Variants in CFAP20DC observed in about 807,000 individuals in gnomAD.
CFAP20DC encodes the protein protein CFAP20DC.
In CFAP20DC, 84 loss-of-function variants were observed where a neutral mutation model predicts 101.7. The ratio of observed to expected loss-of-function variants is 0.83; its 90% CI spans 0.69 to 0.99. The LOEUF is 0.99. Among genes scored for constraint, CFAP20DC ranks in the 50% least tolerant of loss-of-function variants. The probability of loss-of-function intolerance (pLI) is 0.00; values close to 1 mark genes in which losing one functional copy is unlikely to be tolerated. For synonymous variants in CFAP20DC, 359 were observed against 351.2 expected, an observed-to-expected ratio of 1.02 and a Z score of -0.25; for missense variants, 1,007 against 970.3, an observed-to-expected ratio of 1.04 and a Z score of -0.50.
intron 4 of CFAP20DC, among the ~76,000 whole-genome samples, chr3:58,960,245 C>A (rs1295387917): frequency 6.6e-6 from 1 of 152,106 alleles, no homozygotes; most frequent in Non-Finnish European, 1.5e-5. Flanking sequence ...GTAATCCCAG[C>A]ACTTTGGGAG....
chr3:58,741,944 G>T, downstream of CFAP20DC: 1 of 358,788 alleles, frequency 2.8e-6, no homozygotes, highest in Non-Finnish European at 3.9e-6. Flanking sequence ...GAGAAGGAAA[G>T]TATCATATAG....
At chr3:58,769,668 T>C (rs1461491350) in intron 15 of CFAP20DC, among the ~76,000 whole-genome samples, 1 of 151,874 alleles carries the variant, frequency 6.6e-6, no homozygotes, top group African/African-American at 2.4e-5. Flanking sequence ...GACATGAGAA[T>C]TACGCTTGCC....
intron 7 of CFAP20DC, among the ~76,000 whole-genome samples, chr3:58,880,407 A>G (rs150514650): frequency 4.1e-4 from 63 of 152,298 alleles, no homozygotes; most frequent in African/African-American, 1.4e-3. Context: ...TTCTTCGTAT[A>G]GCTGCATGAT....
In CFAP20DC at chr3:58,869,566, T is replaced by C; in HGVS notation, c.853-76A>G. The C allele has an allele frequency of 1.7e-6, 2 of 1,204,090 alleles. No individual in the cohort carries two copies. Among genetic ancestry groups the C allele is most frequent in the African/African-American group, 1.5e-5 (1 of 64,748 alleles). The allele number at this position is 1,204,090 out of a possible 1,614,324, so 74.6% of individuals were successfully genotyped here. ...TTCTGTAGAAGCTATATAGAAAACA[T>C]AATATTTGGACCAATGAAGAGTGAG... On this transcript the variant is annotated intron_variant, in intron 8 of 16. Transcript: ENST00000482387. The surrounding 1 kb of genome is among the most constrained non-coding windows in gnomAD (Gnocchi z 4.3).
At chr3:59,021,112 G>A (rs1448879341) in intron 4 of CFAP20DC, among the ~76,000 whole-genome samples, 2 of 151,992 alleles carry the variant, frequency 1.3e-5, no homozygotes, top group African/African-American at 4.8e-5. Flanking sequence ...TTGGCCTAAT[G>A]TATTATAGAT....
chr3:58,841,292 A>G (rs1215996016), intron 13 of CFAP20DC, among the ~76,000 whole-genome samples: 1 of 152,250 alleles, frequency 6.6e-6, no homozygotes, highest in African/African-American at 2.4e-5. Flanking sequence ...GTATTGTTGG[A>G]AAAACAGCTG....
chr3:59,009,729 G>A lies in CFAP20DC; in HGVS notation c.278+29828C>T, dbSNP rs1234168210. 2.0e-5 allele frequency among the ~76,000 whole-genome samples: 3 copies of A among 152,094 alleles called. No homozygotes were observed. In the East Asian group the frequency reaches 5.8e-4, roughly 29 times the overall value. On this transcript the variant is annotated intron_variant, in intron 4 of 16. Transcript: ENST00000482387. ...ATACAAGAAGCTCAAAGAACTCTGGGGAAATTCATAGCACAAAGATCATCA... is the reference window on the plus strand; with the variant it reads ...ATACAAGAAGCTCAAAGAACTCTGGAGAAATTCATAGCACAAAGATCATCA...
intron 16 of CFAP20DC, among the ~76,000 whole-genome samples, chr3:58,749,627 C>T (rs2068434215): frequency 6.6e-6 from 1 of 152,176 alleles, no homozygotes; most frequent in Admixed American, 6.5e-5. Context: ...GAGAATCAGG[C>T]AACTCCCAAA....
chr3:58,753,244 G>T (rs999699574), intron 16 of CFAP20DC, among the ~76,000 whole-genome samples: 3 of 152,082 alleles, frequency 2.0e-5, no homozygotes, highest in Non-Finnish European at 4.4e-5. Context: ...TTAATGCAAA[G>T]GTTGTATCTT....
intron 4 of CFAP20DC, 99 bp from the exon 5 acceptor site, chr3:58,937,861 T>C: frequency 1.5e-6 from 1 of 687,592 alleles, no homozygotes. Flanking sequence ...ATACAGACCC[T>C]TTTCAACAGG....
intron 4 of CFAP20DC, among the ~76,000 whole-genome samples, chr3:59,027,815 A>G (rs867791887): frequency 1.1e-4 from 17 of 152,342 alleles, no homozygotes; most frequent in Admixed American, 7.8e-4. Flanking sequence ...CAAACCACAC[A>G]GGGAAGCCAC....
chr3:58,806,789 G>A (rs2074103354), intron 14 of CFAP20DC, among the ~76,000 whole-genome samples: 1 of 152,222 alleles, frequency 6.6e-6, no homozygotes, highest in Non-Finnish European at 1.5e-5. Flanking sequence ...GGAAGCGCAA[G>A]GGATCAGGGA....
chr3:58,835,639 G>A (rs921689453), intron 13 of CFAP20DC, among the ~76,000 whole-genome samples: 1 of 152,154 alleles, frequency 6.6e-6, no homozygotes, highest in Admixed American at 6.6e-5. Flanking sequence ...CCTGGAAGGG[G>A]CAGCCAAAAT....
At chr3:58,829,176 A>C (rs1430390325) in intron 14 of CFAP20DC, among the ~76,000 whole-genome samples, 1 of 151,976 alleles carries the variant, frequency 6.6e-6, no homozygotes, top group East Asian at 1.9e-4. Context: ...TACTAAAAAT[A>C]CAAAAAATTA....
chr3:58,757,033 T>C (rs2069018659), intron 15 of CFAP20DC, among the ~76,000 whole-genome samples: 1 of 152,070 alleles, frequency 6.6e-6, no homozygotes, highest in Non-Finnish European at 1.5e-5. Context: ...CTTGGGTATG[T>C]TTATTTTTGT....
chr3:58,747,256 T>C (rs1407359756), intron 16 of CFAP20DC, among the ~76,000 whole-genome samples: 1 of 152,146 alleles, frequency 6.6e-6, no homozygotes, highest in African/African-American at 2.4e-5. Flanking sequence ...CACTCTGAAA[T>C]TGGTTAACGG....
At chr3:58,746,287 A>T (rs1461885156) in intron 16 of CFAP20DC, among the ~76,000 whole-genome samples, 1 of 152,200 alleles carries the variant, frequency 6.6e-6, no homozygotes, top group Non-Finnish European at 1.5e-5. Flanking sequence ...AATGATTATA[A>T]GTGAAACTCT....
chr3:59,010,332 C>T (rs2093553572), intron 4 of CFAP20DC, among the ~76,000 whole-genome samples: 1 of 152,022 alleles, frequency 6.6e-6, no homozygotes, highest in Non-Finnish European at 1.5e-5. Flanking sequence ...CACATAAGGA[C>T]TCACATAAAC....
rs114555260 is a variant in CFAP20DC, at chr3:58,848,534, C to T, written c.1971+498G>A. The stretch of plus-strand genomic sequence containing the variant: ...AATCTGATGGACACGAATACAGCCA[C>T]CAAACTAGCCGAGGGATTTATTCGA... On this transcript the variant is annotated intron_variant, in intron 13 of 16. Coordinates refer to ENST00000482387, the MANE Select transcript of CFAP20DC (RefSeq NM_001394063.1). Among the ~76,000 whole-genome samples, 825 of 152,234 alleles carry T rather than the reference C, an allele frequency of 5.4e-3. 7 individuals carry two copies. Among genetic ancestry groups the T allele is most frequent in the Middle Eastern group, 0.017 (5 of 294 alleles).
Sources: gnomAD v4.1 joint callset for allele counts (sites outside exome capture counted in the v4.1 genomes callset) on GRCh38, gnomAD v4.1.1 for gene constraint, Gnocchi (gnomAD v3.1) non-coding constraint, MANE v1.5 for transcripts, NCBI Gene and HGNC (gene_info 2026-07-23, HGNC 2026-07-21) for gene names.